FIP1L1: variants seen among roughly 807,000 people sequenced by gnomAD.
FIP1L1 encodes factor interacting with PAPOLA and CPSF1.
FIP1L1 carries 21 observed loss-of-function variants against 84.6 expected under a neutral mutation model. The observed-to-expected ratio is 0.25, with a 90% CI of 0.18 to 0.36. FIP1L1 has a LOEUF of 0.36. Among genes scored for constraint, FIP1L1 ranks in the 10% least tolerant of loss-of-function variants. The probability of loss-of-function intolerance (pLI) is 1.00; values close to 1 mark genes in which losing one functional copy is unlikely to be tolerated. For missense variants in FIP1L1, 526 were observed against 751.1 expected (o/e 0.70, Z 3.50); for synonymous variants, 263 against 242.3 (o/e 1.09, Z -0.80).
At chr4:53,433,733 C>A (rs745973936) in intron 13 of FIP1L1, among the ~76,000 whole-genome samples, 1 of 152,174 alleles carries the variant, frequency 6.6e-6, no homozygotes, top group Non-Finnish European at 1.5e-5. Context: ...AACCAGGATC[C>A]CTGCTTTTAA....
intron 11 of FIP1L1, among the ~76,000 whole-genome samples, chr4:53,419,975 G>C (rs1314001590): frequency 6.6e-6 from 1 of 151,928 alleles, no homozygotes; most frequent in African/African-American, 2.4e-5. Flanking sequence ...TTGGGAGGCC[G>C]AGGCGGGTGG....
chr4:53,418,237 G>A (rs62325216), intron 11 of FIP1L1, among the ~76,000 whole-genome samples: 16,943 of 152,180 alleles, frequency 0.11, 1,093 homozygotes, highest in East Asian at 0.18. Flanking sequence ...AGCTGTGATC[G>A]TGCCACTGCA....
intron 15 of FIP1L1, among the ~76,000 whole-genome samples, chr4:53,450,629 G>A (rs758968871): frequency 4.0e-4 from 61 of 152,134 alleles, no homozygotes; most frequent in Non-Finnish European, 6.2e-4. Flanking sequence ...AGGCTGCAGT[G>A]AGCACTGTTC....
At chr4:53,399,044 G>C (rs1207837509) in intron 9 of FIP1L1, among the ~76,000 whole-genome samples, 4 of 152,086 alleles carry the variant, frequency 2.6e-5, no homozygotes, top group Non-Finnish European at 5.9e-5. Flanking sequence ...CCAGCTACTC[G>C]GGGGGCTGTG....
intron 9 of FIP1L1, among the ~76,000 whole-genome samples, chr4:53,391,777 A>G (rs1744369353): frequency 6.6e-6 from 1 of 152,210 alleles, no homozygotes; most frequent in African/African-American, 2.4e-5. Flanking sequence ...TAGGATAGAA[A>G]AGTTAGTGGC....
chr4:53,440,037 C>T (rs1771216381), intron 13 of FIP1L1, among the ~76,000 whole-genome samples: 1 of 151,764 alleles, frequency 6.6e-6, no homozygotes, highest in Non-Finnish European at 1.5e-5. Context: ...TTGGTTTTTC[C>T]CCCTTTCTCT....
At position 53,391,086 on chromosome 4, in the gene FIP1L1, A is replaced by C. The variant is rs1354928249; in HGVS notation, c.583A>C (p.Ile195Leu). ...AGCTTACTGTGAAAAACAAAAGAGG[A>C]TACGAATGGGACTTGAAGTTATACC... is the stretch of plus-strand genomic sequence containing the variant. ...WKAYCEKQKR[I>L]RMGLEVIPVT... Residue 195 changes from isoleucine (I) to leucine (L), a missense_variant, in exon 8 of 18, where the codon ATA (isoleucine) becomes CTA (leucine). By Grantham distance (5) the Ile-to-Leu change is conservative. Around this residue, in one of 6 missense-constraint regions of FIP1L1, gnomAD observed 169 missense variants for 206.9 expected, o/e 0.82. Coordinates refer to ENST00000337488, the MANE Select transcript of FIP1L1 (RefSeq NM_030917.4). 6.2e-7 allele frequency: 1 copy of C among 1,611,614 alleles called. No individual in the cohort carries two copies. The highest frequency in any genetic ancestry group is 1.7e-5 in the Admixed American group (1 of 59,570).
At chr4:53,400,320 C>T (rs1290268479) in intron 10 of FIP1L1, among the ~76,000 whole-genome samples, 2 of 152,098 alleles carry the variant, frequency 1.3e-5, no homozygotes, top group South Asian at 2.1e-4. Flanking sequence ...ATGATAATAC[C>T]TCATATGTTC....
chr4:53,418,131 A>T (rs1760647851), intron 11 of FIP1L1, among the ~76,000 whole-genome samples: 1 of 152,076 alleles, frequency 6.6e-6, no homozygotes, highest in South Asian at 2.1e-4. Flanking sequence ...TCTACCAAAA[A>T]TACAAAAATT....
intron 9 of FIP1L1, among the ~76,000 whole-genome samples, chr4:53,395,804 C>T (rs1746930756): frequency 6.6e-6 from 1 of 152,022 alleles, no homozygotes. Context: ...TTATATATCT[C>T]AGCATCACAG....
intron 11 of FIP1L1, among the ~76,000 whole-genome samples, chr4:53,424,039 A>G (rs1441110863): frequency 2.6e-5 from 4 of 152,316 alleles, no homozygotes; most frequent in African/African-American, 7.2e-5. Context: ...AGAATTTGCT[A>G]TCTGACTTGC....
rs371194870 is a variant in FIP1L1, at chr4:53,417,738, A to AACACAC, written c.923+3037_923+3042dup. On this transcript the variant is annotated intron_variant, in intron 11 of 17. Coordinates refer to ENST00000337488, the MANE Select transcript of FIP1L1 (RefSeq NM_030917.4). ...CTCTTTGCTACTTTTTCTCTTTTTA[A>AACACAC]ACACACACACACACACACACACACA... Among the ~76,000 whole-genome samples the AACACAC allele has an allele frequency of 2.2e-3, 155 of 70,372 alleles. 1 individual carries two copies. The highest frequency in any genetic ancestry group is 8.9e-3 in the African/African-American group (119 of 13,312). 46.2% of individuals were successfully genotyped at this position (70,372 alleles called of 152,430 possible).
intron 11 of FIP1L1, among the ~76,000 whole-genome samples, chr4:53,420,652 T>G (rs1277597606): frequency 6.6e-6 from 1 of 152,180 alleles, no homozygotes; most frequent in Non-Finnish European, 1.5e-5. Flanking sequence ...ATATATTTTC[T>G]TTATAAATTG....
rs1271823294 is a variant in FIP1L1 at position 53,458,704 on chromosome 4, T to C, written c.1551T>C (p.Arg517=). 1.2e-6 allele frequency: 2 copies of C among 1,613,232 alleles called. No individual in the cohort carries two copies. The highest frequency in any genetic ancestry group is 2.2e-5 in the East Asian group (1 of 44,834). ...YREYAERGYE[R]HRASREKEER... ...AATATGCAGAAAGAGGTTATGAGCGTCACAGAGCAAGTCGAGAAAAAGAAG... is the reference window on the plus strand; with the variant it reads ...AATATGCAGAAAGAGGTTATGAGCGCCACAGAGCAAGTCGAGAAAAAGAAG... Residue 517 remains arginine, a synonymous_variant, in exon 17 of 18, where the codon CGT becomes CGC. Coordinates refer to ENST00000337488, the MANE Select transcript of FIP1L1 (RefSeq NM_030917.4).
At chr4:53,378,078 C>T (rs1735572744) in intron 1 of FIP1L1, 155 bp downstream of exon 1, 1 of 586,070 alleles carries the variant, frequency 1.7e-6, no homozygotes, top group Non-Finnish European at 2.8e-6. Context: ...CGTGCGCGTG[C>T]CCCCAGTCCC....
At chr4:53,433,300 A>T (rs1474565944) in intron 13 of FIP1L1, among the ~76,000 whole-genome samples, 1 of 152,224 alleles carries the variant, frequency 6.6e-6, no homozygotes, top group African/African-American at 2.4e-5. Context: ...CCTCCTAAGG[A>T]TAGCCCCTGT....
At chr4:53,428,951 A>G (rs935809107) in intron 13 of FIP1L1, among the ~76,000 whole-genome samples, 3 of 152,248 alleles carry the variant, frequency 2.0e-5, no homozygotes, top group African/African-American at 4.8e-5. Context: ...TGAAAGACGT[A>G]TGTTAGGCTT....
intron 13 of FIP1L1, among the ~76,000 whole-genome samples, chr4:53,433,831 CT>C (rs1250989437): frequency 1.3e-5 from 2 of 152,004 alleles, no homozygotes; most frequent in African/African-American, 4.8e-5. Context: ...TCCTAAAAGA[CT>C]GTTGTCTTGT....
chr4:53,459,699 T>A lies in FIP1L1; in HGVS notation c.*250T>A. On this transcript the variant is annotated 3_prime_UTR_variant, in exon 18 of 18. Coordinates refer to ENST00000337488, the MANE Select transcript of FIP1L1 (RefSeq NM_030917.4). ...AAGAAAGGAATGTGAATGAGTCACTTAACAGGGAATCTAAAGAGCTGTGTT... is the reference window on the plus strand; with the variant it reads ...AAGAAAGGAATGTGAATGAGTCACTAAACAGGGAATCTAAAGAGCTGTGTT... 1 of 506,724 alleles carries A rather than the reference T, an allele frequency of 2.0e-6. No individual in the cohort carries two copies. The highest frequency in any genetic ancestry group is 3.5e-6 in the Non-Finnish European group (1 of 282,122). 31.4% of individuals were successfully genotyped at this position (506,724 alleles called of 1,614,324 possible). A position where few individuals can be genotyped will look rare whatever the true frequency, so the allele number is the denominator to read the frequency against.
Sources: allele counts gnomAD v4.1 joint callset (sites outside exome capture counted in the v4.1 genomes callset), GRCh38; gene constraint gnomAD v4.1.1; regional missense constraint gnomAD v4.1.1; transcripts MANE v1.5; gene names NCBI Gene and HGNC (gene_info 2026-07-23, HGNC 2026-07-21).